Variants in FYB2 observed in about 807,000 individuals in gnomAD.
The protein encoded by FYB2 is FYN binding protein 2.
Under a neutral mutation model 94.1 loss-of-function variants are expected in FYB2, and 103 were observed. That is an observed-to-expected ratio of 1.09 (90% confidence interval 0.93 to 1.29). The LOEUF (loss-of-function observed/expected upper bound fraction) is 1.29, where lower values mean the gene tolerates loss of function less well. Ranked by LOEUF, FYB2 falls within the 50% of genes most tolerant of loss-of-function variation. The pLI is 0.00. For missense variants in FYB2, 896 were observed against 841.5 expected (o/e 1.06, Z -0.80); for synonymous variants, 293 against 287.9 (o/e 1.02, Z -0.18).
At chr1:56,743,078 AAAATCTACTCTCAGCAATTTTC>A (rs1367872380) in intron 11 of FYB2, among the ~76,000 whole-genome samples, 2 of 152,026 alleles carry the variant, frequency 1.3e-5, no homozygotes, top group Non-Finnish European at 2.9e-5. Flanking sequence ...TGAGAATTTT[AAAATCTACTCTCAGCAATTTTC>A]AAGTATATAA....
At chr1:56,741,986 A>G (rs963756097) in intron 12 of FYB2, among the ~76,000 whole-genome samples, 175 bp downstream of exon 12, 10 of 152,002 alleles carry the variant, frequency 6.6e-5, no homozygotes, top group Non-Finnish European at 1.3e-4. Flanking sequence ...TCACAATTGT[A>G]ATATTACAAT....
intron 9 of FYB2, among the ~76,000 whole-genome samples, chr1:56,749,618 C>A (rs1645148826): frequency 6.6e-6 from 1 of 151,846 alleles, no homozygotes; most frequent in Non-Finnish European, 1.5e-5. Flanking sequence ...ATGTGTTATA[C>A]CTGATAATCC....
In FYB2 at chr1:56,732,895, G is replaced by A. The variant is rs377440152; in HGVS notation, c.1793+4192C>T. Among the ~76,000 whole-genome samples, 40 of 149,918 alleles carry A rather than the reference G, an allele frequency of 2.7e-4. No homozygotes were observed. In the South Asian group the frequency reaches 8.3e-3, roughly 31 times the overall value. ...CCTCTAAAACTATTAGAAGAAAACA[G>A]GGGAAACACTTCAGGACATTGGTCT... On this transcript the variant is annotated intron_variant, in intron 15 of 19. Transcript: ENST00000343433.
intron 15 of FYB2, 142 bp from the exon 16 acceptor site, chr1:56,726,725 A>G (rs1209122585): frequency 1.0e-5 from 7 of 686,986 alleles, no homozygotes; most frequent in Non-Finnish European, 1.4e-5. Flanking sequence ...TGGAAAGGCC[A>G]TATAATAAAT....
At chr1:56,761,222 AAAT>A (rs1645486208) in intron 5 of FYB2, among the ~76,000 whole-genome samples, 2 of 152,222 alleles carry the variant, frequency 1.3e-5, no homozygotes, top group African/African-American at 4.8e-5. Context: ...AACATAATAA[AAAT>A]AATAATTTAA....
intron 1 of FYB2, among the ~76,000 whole-genome samples, chr1:56,793,742 A>G (rs1646330363): frequency 7.8e-6 from 1 of 127,818 alleles, no homozygotes; most frequent in Non-Finnish European, 1.8e-5. Context: ...AAAGTTGAAA[A>G]AAAAAAAAAA....
intron 15 of FYB2, among the ~76,000 whole-genome samples, chr1:56,729,471 T>C (rs1435744296): frequency 6.6e-6 from 1 of 152,074 alleles, no homozygotes; most frequent in African/African-American, 2.4e-5. Flanking sequence ...AAGGACCAGA[T>C]TTGGGGCTCC....
intron 19 of FYB2, 101 bp downstream of exon 19, chr1:56,719,921 T>A: frequency 5.5e-6 from 7 of 1,275,434 alleles, no homozygotes; most frequent in Non-Finnish European, 7.5e-6. Flanking sequence ...TTTTAAAACT[T>A]ATCCTGAATT....
chr1:56,773,652 T>C (rs1220772611), intron 4 of FYB2, among the ~76,000 whole-genome samples: 2 of 152,176 alleles, frequency 1.3e-5, no homozygotes, highest in Non-Finnish European at 2.9e-5. Context: ...AAAGTTTCAT[T>C]GGAAGAAAGT....
intron 8 of FYB2, among the ~76,000 whole-genome samples, chr1:56,753,189 T>C (rs1449034098): frequency 6.6e-6 from 1 of 151,976 alleles, no homozygotes. Context: ...CTAATGTGAG[T>C]ACTGGCAATA....
intron 17 of FYB2, among the ~76,000 whole-genome samples, chr1:56,722,642 A>C (rs1323646674): frequency 6.6e-6 from 1 of 152,030 alleles, no homozygotes; most frequent in African/African-American, 2.4e-5. Context: ...AGCAAGACAA[A>C]GATAGAGGTG....
At chr1:56,756,525 A>G (rs1270233756) in intron 6 of FYB2, among the ~76,000 whole-genome samples, 2 of 152,174 alleles carry the variant, frequency 1.3e-5, no homozygotes, top group Non-Finnish European at 2.9e-5. Flanking sequence ...CTAAAATGCC[A>G]TCACAAAATC....
At chr1:56,778,104 T>C (rs983311621) in intron 4 of FYB2, among the ~76,000 whole-genome samples, 8 of 152,154 alleles carry the variant, frequency 5.3e-5, no homozygotes, top group African/African-American at 1.9e-4. Flanking sequence ...AAGGATGCAG[T>C]GCTCTCTACT....
In FYB2 at chr1:56,719,682, A is replaced by T; in HGVS notation, c.2176T>A (p.Trp726Arg). The change falls in exon 20 of 20, where the codon TGG becomes AGG. Residue 726 changes from tryptophan to arginine, a missense_variant. Physicochemically the swap from Trp to Arg is moderately radical, Grantham distance 101. Coordinates refer to ENST00000343433, the MANE Select transcript of FYB2 (RefSeq NM_001004303.5). ...TGATCTTGATTTTTCTAAGGTGACC[A>T]ACTTTGATGCCTGTGAAAAAATAAA... ...IEHLDFKHQS[W>R]SP 1.3e-6 allele frequency: 2 copies of T among 1,595,620 alleles called. No individual in the cohort carries two copies. Among genetic ancestry groups the T allele is most frequent in the Non-Finnish European group, 1.7e-6 (2 of 1,168,112 alleles).
chr1:56,743,574 C>T (rs778265647), intron 11 of FYB2, among the ~76,000 whole-genome samples: 1 of 151,892 alleles, frequency 6.6e-6, no homozygotes, highest in Non-Finnish European at 1.5e-5. Flanking sequence ...GCAAATTATA[C>T]AAGCTAAAAG....
rs374950822 is a variant in FYB2, at chr1:56,741,807, C to T, written c.1604+354G>A. Among the ~76,000 whole-genome samples the T allele has an allele frequency of 1.1e-3, 162 of 152,098 alleles. 4 individuals are homozygous for T. In the South Asian group the frequency reaches 0.032, roughly 30 times the overall value. ...CATTAATTTGTTCCTGGAAAAACAG[C>T]TATAAAATTGAAGCAAGTTTTATTA... On this transcript the variant is annotated intron_variant, in intron 12 of 19. Transcript: ENST00000343433.
In FYB2 at chr1:56,719,521, T is replaced by A. The variant is rs1644445416; in HGVS notation, c.*150A>T. 1 of 648,408 alleles carries A rather than the reference T, an allele frequency of 1.5e-6. No homozygotes were observed. Among genetic ancestry groups the A allele is most frequent in the Admixed American group, 3.5e-5 (1 of 28,850 alleles). The allele number at this position is 648,408 out of a possible 1,614,324, so 40.2% of individuals were successfully genotyped here. ...CATCTAAATGTTGAGGATTTGTTTT[T>A]ATTTTTCTCTTTTAAGTTCAGAACG... is the stretch of plus-strand genomic sequence containing the variant. On this transcript the variant is annotated 3_prime_UTR_variant, in exon 20 of 20. Transcript: ENST00000343433.
chr1:56,765,988 G>C (rs1353732825), intron 5 of FYB2, among the ~76,000 whole-genome samples: 2 of 152,196 alleles, frequency 1.3e-5, no homozygotes, highest in South Asian at 2.1e-4. Context: ...GGTCCAGAGA[G>C]AGAAGGAGCA....
chr1:56,761,029 G>T (rs188718856), intron 5 of FYB2, among the ~76,000 whole-genome samples: 1 of 152,210 alleles, frequency 6.6e-6, no homozygotes, highest in Non-Finnish European at 1.5e-5. Flanking sequence ...CCACTGATTA[G>T]TTTTATTGTG....
Sources: allele counts gnomAD v4.1 joint callset (sites outside exome capture counted in the v4.1 genomes callset), GRCh38; gene constraint gnomAD v4.1.1; transcripts MANE v1.5; gene names NCBI Gene and HGNC (gene_info 2026-07-23, HGNC 2026-07-21).